The following PUDP variants were observed in gnomAD, a reference collection of about 807,000 sequenced individuals.
The protein encoded by PUDP is pseudouridine-5'-phosphatase.
A neutral mutation model predicts 9.4 loss-of-function variants in PUDP; 8 were observed. The ratio of observed to expected loss-of-function variants is 0.85; its 90% CI spans 0.50 to 1.53. The LOEUF is 1.53. Ranked by LOEUF, PUDP falls within the 40% of genes most tolerant of loss-of-function variation. The probability of loss-of-function intolerance (pLI) is 0.00; values close to 1 mark genes in which losing one functional copy is unlikely to be tolerated. For synonymous variants in PUDP, 99 were observed against 80.7 expected (o/e 1.23, Z -1.22); for missense variants, 188 against 189.7 (o/e 0.99, Z 0.05).
intron 3 of PUDP, among the ~76,000 whole-genome samples, chrX:6,827,752 C>A (rs191965298): frequency 8.9e-6 from 1 of 112,150 alleles, no homozygotes; most frequent in Non-Finnish European, 1.9e-5. Context: ...ATTCTGTCAA[C>A]GTCTGCATCC....
At chrX:6,742,799 C>A (rs1176696611) in intron 3 of PUDP, among the ~76,000 whole-genome samples, 1 of 111,443 alleles carries the variant, frequency 9.0e-6, no homozygotes, top group African/African-American at 3.3e-5. Flanking sequence ...AACAAAAAAC[C>A]AAAAACAAAC....
intron 3 of PUDP, among the ~76,000 whole-genome samples, chrX:7,052,934 C>A (rs1216085554): frequency 2.7e-5 from 3 of 112,096 alleles, no homozygotes; most frequent in Non-Finnish European, 5.6e-5. Context: ...CTTAGACTGT[C>A]CAAGTTGGTT....
At chrX:6,829,379 T>C (rs1926471650) in intron 3 of PUDP, among the ~76,000 whole-genome samples, 2 of 111,966 alleles carry the variant, frequency 1.8e-5, no homozygotes, top group Non-Finnish European at 1.9e-5. Context: ...ATAAATACCA[T>C]GGAAATTGAG....
At chrX:6,749,381 C>G (rs1390543577) in intron 3 of PUDP, among the ~76,000 whole-genome samples, 3 of 110,949 alleles carry the variant, frequency 2.7e-5, no homozygotes, top group African/African-American at 9.8e-5. Flanking sequence ...TTCGATTGAT[C>G]TGGGATTAGT....
At chrX:7,079,562 A>G (rs1931019717) in intron 2 of PUDP, among the ~76,000 whole-genome samples, 1 of 112,808 alleles carries the variant, frequency 8.9e-6, no homozygotes, top group South Asian at 3.6e-4. Flanking sequence ...ATATCCTATT[A>G]TAAGGATAAA....
At chrX:7,080,064 A>C (rs1319260161) in intron 2 of PUDP, among the ~76,000 whole-genome samples, 1 of 112,264 alleles carries the variant, frequency 8.9e-6, no homozygotes. Flanking sequence ...AGAGCAATTA[A>C]ATTAGTAGAC....
chrX:7,135,953 C>T (rs1210450547), intron 1 of PUDP, among the ~76,000 whole-genome samples: 7 of 111,356 alleles, frequency 6.3e-5, no homozygotes, highest in Non-Finnish European at 9.4e-5. Context: ...TTCATAGTAC[C>T]CCCTAAATAG....
At chrX:7,138,328 C>T (rs1346057211) in intron 1 of PUDP, among the ~76,000 whole-genome samples, 2 of 109,712 alleles carry the variant, frequency 1.8e-5, no homozygotes, top group African/African-American at 6.6e-5. Context: ...CCAATGGGCA[C>T]CCAGTTTAAG....
chrX:7,142,907 T>G (rs569171736), intron 1 of PUDP, among the ~76,000 whole-genome samples: 6 of 111,267 alleles, frequency 5.4e-5, no homozygotes, highest in African/African-American at 2.0e-4. Flanking sequence ...TGCCTCTGCC[T>G]CCCAAAGTGC....
chrX:6,960,484 C>T (rs1928691233), intron 3 of PUDP, among the ~76,000 whole-genome samples: 1 of 111,852 alleles, frequency 8.9e-6, no homozygotes, highest in Non-Finnish European at 1.9e-5. Flanking sequence ...CATGAGATGA[C>T]ACAGCACGAA....
intron 3 of PUDP, among the ~76,000 whole-genome samples, chrX:6,916,553 C>A (rs1482476170): frequency 9.0e-6 from 1 of 111,080 alleles, no homozygotes; most frequent in Non-Finnish European, 1.9e-5. Context: ...ATGTTTCCCT[C>A]GTCTTTACTC....
chrX:7,083,936 G>A (rs1295849732), intron 2 of PUDP, among the ~76,000 whole-genome samples: 29 of 110,518 alleles, frequency 2.6e-4, no homozygotes, highest in Admixed American at 1.8e-3. Flanking sequence ...AAAGAAATAC[G>A]TCGTGATTTT....
intron 3 of PUDP, among the ~76,000 whole-genome samples, chrX:6,784,693 G>A (rs1185121202): frequency 2.7e-5 from 3 of 112,063 alleles, no homozygotes; most frequent in South Asian, 7.4e-4. Flanking sequence ...GCTTCCTGAC[G>A]GGTTGTCAAA....
intron 1 of PUDP, among the ~76,000 whole-genome samples, chrX:7,146,382 C>T (rs1286289258): frequency 1.8e-5 from 2 of 111,562 alleles, no homozygotes; most frequent in African/African-American, 6.5e-5. Context: ...ATGAGACTCC[C>T]AGAACAGGTT....
At chrX:6,811,623 CTT>C (rs35328260) in intron 3 of PUDP, among the ~76,000 whole-genome samples, 15 of 100,207 alleles carry the variant, frequency 1.5e-4, no homozygotes, top group East Asian at 3.2e-4. Context: ...CACGCCTGGC[CTT>C]TTTTTTTTTT....
At chrX:6,950,955 T>G (rs1268249170) in intron 3 of PUDP, among the ~76,000 whole-genome samples, 1 of 59,490 alleles carries the variant, frequency 1.7e-5, no homozygotes, top group South Asian at 5.6e-4. Context: ...GTTGTGTGTT[T>G]TTTTTTTTTC....
chrX:6,862,058 G>A (rs1927010584), intron 3 of PUDP, among the ~76,000 whole-genome samples: 1 of 111,949 alleles, frequency 8.9e-6, no homozygotes, highest in Non-Finnish European at 1.9e-5. Context: ...AAGGGAATGA[G>A]GGTGGAGCAT....
At chrX:6,714,679 G>A (rs1924577021) in intron 1 of PUDP, among the ~76,000 whole-genome samples, 1 of 111,319 alleles carries the variant, frequency 9.0e-6, no homozygotes, top group Admixed American at 9.6e-5. Flanking sequence ...GTGATAAATA[G>A]AGATGACAGA....
rs966115004 is a variant in PUDP, at chrX:7,001,837, T to A, written c.205-23494A>T. ...AATCCAGATGATTGAAAAATTTAAATGCCAAAGTCAAATGCTTAACACTTC... is the reference window on the plus strand; with the variant it reads ...AATCCAGATGATTGAAAAATTTAAAAGCCAAAGTCAAATGCTTAACACTTC... On this transcript the variant is annotated intron_variant and NMD_transcript_variant, in intron 1 of 3. Transcript: ENST00000655425. 3.6e-5 allele frequency among the ~76,000 whole-genome samples: 4 copies of A among 111,992 alleles called. No homozygotes were observed. In the East Asian group the frequency reaches 1.1e-3, roughly 31 times the overall value.
Sources: gnomAD v4.1 joint callset for allele counts (sites outside exome capture counted in the v4.1 genomes callset) on GRCh38, gnomAD v4.1.1 for gene constraint, MANE v1.5 for transcripts, NCBI Gene and HGNC (gene_info 2026-07-23, HGNC 2026-07-21) for gene names.